Variants in LUC7L2 observed in about 807,000 individuals in gnomAD.
LUC7L2 encodes LUC7 like 2, pre-mRNA splicing factor.
In LUC7L2, 25 loss-of-function variants were observed where a neutral mutation model predicts 52.8. The observed-to-expected ratio is 0.47, with a 90% CI of 0.34 to 0.66. LUC7L2 has a LOEUF of 0.66. Ranked by LOEUF, LUC7L2 falls within the 30% of genes least tolerant of loss-of-function variation. The pLI is 0.01. For missense variants in LUC7L2, 328 were observed against 497.8 expected (o/e 0.66, Z 3.25); for synonymous variants, 144 against 160.9 (o/e 0.89, Z 0.80).
chr7:139,360,750 A>G (rs1799835497), intron 1 of LUC7L2, among the ~76,000 whole-genome samples: 1 of 152,116 alleles, frequency 6.6e-6, no homozygotes, highest in Admixed American at 6.5e-5. Flanking sequence ...GAGTACCTAG[A>G]GAGAAGCTTC....
At chr7:139,412,781 C>T in intron 8 of LUC7L2, 3 of 365,140 alleles carry the variant, frequency 8.2e-6, no homozygotes, top group South Asian at 5.4e-5. Context: ...GCCAAGATAG[C>T]ACCACTGCAC....
intron 1 of LUC7L2, among the ~76,000 whole-genome samples, chr7:139,367,011 T>C (rs1289674486): frequency 6.6e-6 from 1 of 152,108 alleles, no homozygotes; most frequent in African/African-American, 2.4e-5. Flanking sequence ...ACAGAGTCTC[T>C]GTCTCCCAGG....
At chr7:139,350,249 G>A (rs1799408592) in intron 1 of LUC7L2, among the ~76,000 whole-genome samples, 1 of 152,120 alleles carries the variant, frequency 6.6e-6, no homozygotes, top group African/African-American at 2.4e-5. Context: ...AGCCTCCTGA[G>A]TAGCTGGGAC....
chr7:139,361,471 G>A (rs899279778), intron 1 of LUC7L2, among the ~76,000 whole-genome samples: 1 of 152,154 alleles, frequency 6.6e-6, no homozygotes, highest in Non-Finnish European at 1.5e-5. Flanking sequence ...AAATTTTATT[G>A]CATTCAAATC....
In LUC7L2 at chr7:139,423,321, C is replaced by G. The variant is rs981634094; in HGVS notation, c.*981C>G. ...CCAGATGAGCTGTTCATGTGGGCCC[C>G]TTGCTGACTATATTCCAGCCACTTC... On this transcript the variant is annotated 3_prime_UTR_variant, in exon 10 of 10. Coordinates refer to ENST00000354926, the MANE Select transcript of LUC7L2 (RefSeq NM_016019.5). The G allele has an allele frequency of 7.5e-6, 3 of 398,900 alleles. No homozygotes were observed. Among genetic ancestry groups the G allele is most frequent in the Non-Finnish European group, 1.3e-5 (3 of 226,072 alleles). 24.7% of individuals were successfully genotyped at this position (398,900 alleles called of 1,614,324 possible).
In LUC7L2 at chr7:139,417,521, C is replaced by A; in HGVS notation, c.810-17C>A. The A allele has an allele frequency of 1.9e-6, 3 of 1,600,016 alleles. No individual in the cohort carries two copies. Among genetic ancestry groups the A allele is most frequent in the Non-Finnish European group, 1.7e-6 (2 of 1,169,670 alleles). ...GTAATTACAAAGGTAGAAACAAAAT[C>A]AAATCTTGTCTGGTAGATCCAGGTC... On this transcript the variant is annotated splice_polypyrimidine_tract_variant and intron_variant, in intron 8 of 9. Transcript: ENST00000354926.
At chr7:139,408,719 G>C (rs1795222713) in intron 6 of LUC7L2, among the ~76,000 whole-genome samples, 1 of 151,976 alleles carries the variant, frequency 6.6e-6, no homozygotes, top group African/African-American at 2.4e-5. Context: ...GCATGTGCCT[G>C]TAGTCCCAGC....
At chr7:139,379,910 G>T (rs546747771) in intron 2 of LUC7L2, among the ~76,000 whole-genome samples, 6 of 152,220 alleles carry the variant, frequency 3.9e-5, no homozygotes, top group Non-Finnish European at 8.8e-5. Context: ...AGGGCTGGGC[G>T]TGGTGGTTCA....
At chr7:139,405,089 GGA>G (rs1273430095) in intron 4 of LUC7L2, among the ~76,000 whole-genome samples, 3 of 152,226 alleles carry the variant, frequency 2.0e-5, no homozygotes, top group Non-Finnish European at 4.4e-5. Context: ...GTGACACAAA[GGA>G]GAGAGTATGG....
chr7:139,364,061 T>C (rs1227547275), intron 1 of LUC7L2, among the ~76,000 whole-genome samples: 1 of 140,494 alleles, frequency 7.1e-6, no homozygotes, highest in Non-Finnish European at 1.5e-5. Flanking sequence ...GGCTCACTGC[T>C]ACAACCTCCA....
chr7:139,396,084 T>A (rs1192297649), intron 2 of LUC7L2, among the ~76,000 whole-genome samples: 1 of 152,228 alleles, frequency 6.6e-6, no homozygotes, highest in Non-Finnish European at 1.5e-5. Flanking sequence ...AACATCTCAT[T>A]TATCTGGGAA....
At chr7:139,357,221 G>C (rs942307159), upstream of LUC7L2, among the ~76,000 whole-genome samples, 2 of 152,004 alleles carry the variant, frequency 1.3e-5, no homozygotes, top group South Asian at 4.1e-4. Context: ...CAGGAAAGGA[G>C]AGAAAAACAT....
At position 139,363,259 on chromosome 7, in the gene LUC7L2, C is replaced by T. The variant is rs1799974327; in HGVS notation, c.61+2937C>T. The T allele has an allele frequency of 2.0e-6, 2 of 984,986 alleles. 1 individual carries two copies. The highest frequency in any genetic ancestry group is 1.0e-3 in the Middle Eastern group (2 of 1,914). The allele number at this position is 984,986 out of a possible 1,614,324, so 61.0% of individuals were successfully genotyped here. A position where few individuals can be genotyped will look rare whatever the true frequency, so the allele number is the denominator to read the frequency against. On this transcript the variant is annotated intron_variant, in intron 1 of 9. Coordinates refer to ENST00000354926, the MANE Select transcript of LUC7L2 (RefSeq NM_016019.5). ...CTGCATAAATGGAAGCAGGGTACCG[C>T]GTGAGTTGAAACATTGGTCACACTA...
In LUC7L2 at chr7:139,417,740, G is replaced by GTCAA. The variant is rs1011878231; in HGVS notation, c.1001+15_1001+18dup. ...ACGATCCAAGAGGAGGTATTGATGT[G>GTCAA]TCAATCAGAGGATATGGAGCTACCT... is the stretch of plus-strand genomic sequence containing the variant. On this transcript the variant is annotated intron_variant, in intron 9 of 9. Coordinates refer to ENST00000354926, the MANE Select transcript of LUC7L2 (RefSeq NM_016019.5). The GTCAA allele has an allele frequency of 7.5e-6, 12 of 1,610,532 alleles. No homozygotes were observed. The highest frequency in any genetic ancestry group is 4.4e-5 in the South Asian group (4 of 90,966).
At chr7:139,378,908 C>T (rs1241072887) in intron 2 of LUC7L2, among the ~76,000 whole-genome samples, 1 of 152,234 alleles carries the variant, frequency 6.6e-6, no homozygotes, top group Non-Finnish European at 1.5e-5. Flanking sequence ...CTACTTCAGC[C>T]TTCCAAAGCA....
At chr7:139,364,408 T>C (rs1027495163) in intron 1 of LUC7L2, among the ~76,000 whole-genome samples, 1 of 152,144 alleles carries the variant, frequency 6.6e-6, no homozygotes, top group Admixed American at 6.5e-5. Flanking sequence ...AGACTAGGAA[T>C]GTTAGATAGA....
intron 2 of LUC7L2, among the ~76,000 whole-genome samples, chr7:139,395,183 G>T (rs759014386): frequency 6.6e-6 from 1 of 152,150 alleles, no homozygotes; most frequent in Non-Finnish European, 1.5e-5. Flanking sequence ...TTTAGAAATT[G>T]TTAATTTCAG....
chr7:139,390,169 G>C (rs905211510), intron 2 of LUC7L2, among the ~76,000 whole-genome samples: 10 of 151,984 alleles, frequency 6.6e-5, no homozygotes, highest in Non-Finnish European at 1.5e-4. Flanking sequence ...GGATCAAATG[G>C]ATAATACGAG....
chr7:139,365,166 C>T (rs1042017224), intron 1 of LUC7L2, among the ~76,000 whole-genome samples: 4 of 152,258 alleles, frequency 2.6e-5, no homozygotes, highest in African/African-American at 9.6e-5. Context: ...AAGTTTTCCT[C>T]ATTTTGCATT....
Sources: allele counts gnomAD v4.1 joint callset (sites outside exome capture counted in the v4.1 genomes callset), GRCh38; gene constraint gnomAD v4.1.1; transcripts MANE v1.5; gene names NCBI Gene and HGNC (gene_info 2026-07-23, HGNC 2026-07-21).